ROBO1: variants seen among roughly 807,000 people sequenced by gnomAD.
ROBO1 encodes roundabout homolog 1.
Under a neutral mutation model 195.9 loss-of-function variants are expected in ROBO1, and 149 were observed. That is an observed-to-expected ratio of 0.76 (90% CI 0.67 to 0.87). The LOEUF (loss-of-function observed/expected upper bound fraction) is 0.87. ROBO1 is among the 40% of genes least tolerant of loss of function. ROBO1 has a pLI of 0.00. For missense variants in ROBO1, 1,933 were observed against 2,068.3 expected (o/e 0.93, Z 1.27); for synonymous variants, 816 against 733.2 (o/e 1.11, Z -1.82).
At chr3:79,057,428 C>T (rs2108388804) in intron 3 of ROBO1, among the ~76,000 whole-genome samples, 1 of 152,104 alleles carries the variant, frequency 6.6e-6, no homozygotes, top group Admixed American at 6.6e-5. Context: ...AAGGAAAAGA[C>T]ATCCGTGTCA....
At chr3:78,879,188 C>A (rs1276075939) in intron 4 of ROBO1, among the ~76,000 whole-genome samples, 1 of 152,132 alleles carries the variant, frequency 6.6e-6, no homozygotes, top group Non-Finnish European at 1.5e-5. Flanking sequence ...AAGCATATAA[C>A]TAAAAACTGG....
intron 4 of ROBO1, among the ~76,000 whole-genome samples, chr3:78,865,472 CT>C (rs549086224): frequency 2.6e-3 from 331 of 126,852 alleles, no homozygotes; most frequent in Middle Eastern, 4.2e-3. Context: ...TTGATGAACG[CT>C]TTTTTTTTTT....
chr3:79,660,654 G>A (rs1946302205), intron 1 of ROBO1, among the ~76,000 whole-genome samples: 2 of 151,970 alleles, frequency 1.3e-5, no homozygotes, highest in East Asian at 1.9e-4. Context: ...ATTCTTACAG[G>A]GATAATAATG....
At chr3:78,963,930 G>C (rs955798502) in intron 3 of ROBO1, among the ~76,000 whole-genome samples, 1 of 152,148 alleles carries the variant, frequency 6.6e-6, no homozygotes, top group African/African-American at 2.4e-5. Context: ...CAAAATGAGT[G>C]ACTCATACAA....
chr3:79,654,209 T>C (rs1250934990), intron 1 of ROBO1, among the ~76,000 whole-genome samples: 3 of 151,994 alleles, frequency 2.0e-5, no homozygotes, highest in South Asian at 4.1e-4. Context: ...TCATATGTAA[T>C]TAATCATTGG....
intron 1 of ROBO1, among the ~76,000 whole-genome samples, chr3:79,686,370 G>A (rs1947113151): frequency 6.6e-6 from 1 of 152,084 alleles, no homozygotes; most frequent in Admixed American, 6.6e-5. Context: ...GTTCTGGCCA[G>A]GGCAATTAGG....
chr3:78,860,151 A>ATAGC (rs1332171277), intron 4 of ROBO1, among the ~76,000 whole-genome samples: 1 of 144,176 alleles, frequency 6.9e-6, no homozygotes, highest in African/African-American at 2.5e-5. Context: ...AGATAGATAG[A>ATAGC]TAGATAGATA....
intron 11 of ROBO1, among the ~76,000 whole-genome samples, chr3:78,669,813 T>C (rs1380640369): frequency 6.6e-6 from 1 of 152,206 alleles, no homozygotes; most frequent in Non-Finnish European, 1.5e-5. Flanking sequence ...AAGATATTTA[T>C]TCTCTCACAA....
chr3:79,342,501 T>C (rs1325491106), intron 2 of ROBO1, among the ~76,000 whole-genome samples: 1 of 152,198 alleles, frequency 6.6e-6, no homozygotes, highest in Non-Finnish European at 1.5e-5. Context: ...CACATTTCTG[T>C]ACTACATATC....
intron 1 of ROBO1, among the ~76,000 whole-genome samples, chr3:79,730,768 CTTTTTTTTTTTTTTT>C (rs66527491): frequency 2.1e-5 from 2 of 95,516 alleles, no homozygotes; most frequent in Non-Finnish European, 2.1e-5. Flanking sequence ...CCTGTATTTC[CTTTTTTTTTTTTTTT>C]TTTTTTTTTT....
At chr3:79,054,033 GA>G (rs745706503) in intron 3 of ROBO1, among the ~76,000 whole-genome samples, 1 of 151,976 alleles carries the variant, frequency 6.6e-6, no homozygotes, top group Non-Finnish European at 1.5e-5. Context: ...TTTAGACTGG[GA>G]CCTTTTGGCA....
chr3:78,666,419 G>T (rs1450670498), intron 14 of ROBO1, among the ~76,000 whole-genome samples: 1 of 152,190 alleles, frequency 6.6e-6, no homozygotes, highest in African/African-American at 2.4e-5. Flanking sequence ...ATGCATGTGA[G>T]TACAGGACAA....
intron 4 of ROBO1, among the ~76,000 whole-genome samples, chr3:78,935,017 A>C (rs2107665944): frequency 6.6e-6 from 1 of 152,156 alleles, no homozygotes; most frequent in South Asian, 2.1e-4. Flanking sequence ...AAAACTGTAT[A>C]ATTTGAATTC....
intron 2 of ROBO1, among the ~76,000 whole-genome samples, chr3:79,312,069 C>T (rs755641777): frequency 8.5e-5 from 13 of 152,170 alleles, no homozygotes; most frequent in African/African-American, 1.4e-4. Context: ...CCAGCCCCTC[C>T]AAGCTTGATT....
intron 1 of ROBO1, among the ~76,000 whole-genome samples, chr3:79,657,615 G>A (rs977619418): frequency 4.0e-5 from 6 of 151,874 alleles, no homozygotes; most frequent in South Asian, 2.1e-4. Flanking sequence ...TAAGGAGAAT[G>A]GCACCATTTG....
chr3:79,380,604 A>G (rs943593573), intron 2 of ROBO1, among the ~76,000 whole-genome samples: 8 of 152,208 alleles, frequency 5.3e-5, no homozygotes, highest in African/African-American at 1.9e-4. Flanking sequence ...AATATGGTAG[A>G]TTAATGTCAT....
intron 26 of ROBO1, among the ~76,000 whole-genome samples, chr3:78,623,389 A>G (rs1189919046): frequency 1.6e-4 from 25 of 152,182 alleles, no homozygotes. Flanking sequence ...GAGGTGAGTG[A>G]GAATTGTGCT....
chr3:79,761,752 G>A (rs1452858965), intron 1 of ROBO1, among the ~76,000 whole-genome samples: 4 of 152,094 alleles, frequency 2.6e-5, no homozygotes, highest in East Asian at 1.9e-4. Context: ...TCTGAAGCAC[G>A]GTAATCTGGG....
intron 2 of ROBO1, among the ~76,000 whole-genome samples, chr3:79,299,600 T>C (rs1189659602): frequency 6.6e-6 from 1 of 152,170 alleles, no homozygotes; most frequent in East Asian, 1.9e-4. Context: ...TATAAAGTGT[T>C]TGCCAATAAT....
Sources: gnomAD v4.1 joint callset for allele counts (sites outside exome capture counted in the v4.1 genomes callset) on GRCh38, gnomAD v4.1.1 for gene constraint, MANE v1.5 for transcripts, NCBI Gene and HGNC (gene_info 2026-07-23, HGNC 2026-07-21) for gene names.